The following CLNK variants were observed in gnomAD, a reference collection of about 807,000 sequenced individuals.
CLNK encodes the protein cytokine dependent hematopoietic cell linker, also known as cytokine-dependent hematopoietic cell linker.
Under a neutral mutation model 68.6 loss-of-function variants are expected in CLNK, and 74 were observed. That is an observed-to-expected ratio of 1.08 (90% CI 0.89 to 1.31). CLNK has a LOEUF of 1.31. Among genes scored for constraint, CLNK ranks in the 50% most tolerant of loss-of-function variants. CLNK has a pLI of 0.00. For synonymous variants in CLNK, 198 were observed against 172.2 expected (o/e 1.15, Z -1.17); for missense variants, 553 against 515.3 (o/e 1.07, Z -0.71).
At chr4:10,528,190 CTT>C (rs1718398943) in intron 12 of CLNK, 96 bp from the exon 13 acceptor site, 1 of 516,600 alleles carries the variant, frequency 1.9e-6, no homozygotes, top group Non-Finnish European at 3.0e-6. Context: ...GGTTGGCAGA[CTT>C]TTGGTAAAAC....
chr4:10,671,881 T>C (rs1724656715), intron 1 of CLNK, among the ~76,000 whole-genome samples: 1 of 152,188 alleles, frequency 6.6e-6, no homozygotes, highest in Non-Finnish European at 1.5e-5. Flanking sequence ...AAGAAACAGC[T>C]TCCCCCCAAC....
chr4:10,587,451 C>T (rs2108838590), intron 3 of CLNK, among the ~76,000 whole-genome samples: 1 of 152,366 alleles, frequency 6.6e-6, no homozygotes, highest in East Asian at 1.9e-4. Flanking sequence ...CTCTGCATTA[C>T]ACCTTTCCTC....
chr4:10,522,946 C>T (rs1718142154), intron 14 of CLNK, among the ~76,000 whole-genome samples: 1 of 152,054 alleles, frequency 6.6e-6, no homozygotes, highest in Non-Finnish European at 1.5e-5. Context: ...GTGCAAAGGC[C>T]CAGAGGCAAG....
the CLNK span, among the ~76,000 whole-genome samples, chr4:10,715,148 G>A: frequency 7.2e-5 from 11 of 152,130 alleles, no homozygotes; most frequent in South Asian, 6.2e-4. Context: ...TTTCAGGTCC[G>A]TGCTATTTAA....
At chr4:10,510,227 C>A (rs755643275) in intron 16 of CLNK, among the ~76,000 whole-genome samples, 1 of 152,044 alleles carries the variant, frequency 6.6e-6, no homozygotes. Flanking sequence ...GAATCACTTG[C>A]GGGGGGAGGG....
chr4:10,512,240 T>A (rs76353134), intron 16 of CLNK, among the ~76,000 whole-genome samples: 3,995 of 152,050 alleles, frequency 0.026, 198 homozygotes, highest in African/African-American at 0.092. Flanking sequence ...TGCATTTTTT[T>A]TTTTTTTTGT....
the CLNK span, among the ~76,000 whole-genome samples, chr4:10,720,932 G>T: frequency 6.6e-6 from 1 of 151,884 alleles, no homozygotes; most frequent in Non-Finnish European, 1.5e-5. Flanking sequence ...GTCCTTCAGT[G>T]GCTGAATGAT....
At chr4:10,639,383 A>G (rs538364417) in intron 2 of CLNK, among the ~76,000 whole-genome samples, 22 of 152,212 alleles carry the variant, frequency 1.4e-4, no homozygotes, top group Non-Finnish European at 2.9e-4. Flanking sequence ...GCAATGATCA[A>G]CTGGCTTTAG....
intron 10 of CLNK, among the ~76,000 whole-genome samples, chr4:10,541,512 G>A (rs546584647): frequency 6.6e-6 from 1 of 152,072 alleles, no homozygotes; most frequent in South Asian, 2.1e-4. Flanking sequence ...GTCACTCAGA[G>A]CCTCTGCAGC....
Position 10,674,705 on chromosome 4 carries a change from G to C in CLNK, c.-42-6794C>G, listed in dbSNP as rs6828288. 4.4e-3 allele frequency among the ~76,000 whole-genome samples: 667 copies of C among 152,218 alleles called. 6 individuals are homozygous for C. The highest frequency in any genetic ancestry group is 0.014 in the African/African-American group (597 of 41,518). ...AGACCCCTGCCTCAACCATCTATTT[G>C]GACCAAACAACCCCACAGCTTTGGG... On this transcript the variant is annotated intron_variant, in intron 1 of 18. Transcript: ENST00000226951.
upstream of CLNK, among the ~76,000 whole-genome samples, chr4:10,686,245 T>C (rs977212362): frequency 2.0e-5 from 3 of 152,122 alleles, no homozygotes; most frequent in African/African-American, 7.2e-5. Context: ...GGAGTCACAG[T>C]GAATGATGGC....
chr4:10,698,681 G>T, the CLNK span, among the ~76,000 whole-genome samples: 1 of 152,134 alleles, frequency 6.6e-6, no homozygotes, highest in Non-Finnish European at 1.5e-5. Flanking sequence ...TTCAACTTAA[G>T]TAGTGAAAGA....
At chr4:10,710,021 T>C in the CLNK span, among the ~76,000 whole-genome samples, 1 of 152,186 alleles carries the variant, frequency 6.6e-6, no homozygotes, top group South Asian at 2.1e-4. Flanking sequence ...AAGTCTTTGA[T>C]ATGGTGGTGT....
intron 10 of CLNK, among the ~76,000 whole-genome samples, chr4:10,540,852 AG>A: frequency 6.6e-6 from 1 of 152,200 alleles, no homozygotes; most frequent in Non-Finnish European, 1.5e-5. Flanking sequence ...AGGCCTGTGG[AG>A]AAAATGATAA....
chr4:10,634,266 G>C (rs2108870847), intron 2 of CLNK, among the ~76,000 whole-genome samples: 1 of 152,282 alleles, frequency 6.6e-6, no homozygotes. Flanking sequence ...TTTTTCCAAA[G>C]GAAGTTTTGG....
At chr4:10,609,578 C>A (rs1721930999) in intron 2 of CLNK, among the ~76,000 whole-genome samples, 1 of 152,186 alleles carries the variant, frequency 6.6e-6, no homozygotes. Context: ...AGAAGAGCAG[C>A]AGAGGAAATA....
intron 2 of CLNK, among the ~76,000 whole-genome samples, chr4:10,602,671 T>C (rs1721632896): frequency 1.3e-5 from 2 of 152,198 alleles, no homozygotes; most frequent in Admixed American, 1.3e-4. Context: ...CCAGTACGTT[T>C]ACGTTTGTGG....
At chr4:10,615,548 A>G (rs1722197978) in intron 2 of CLNK, among the ~76,000 whole-genome samples, 1 of 151,248 alleles carries the variant, frequency 6.6e-6, no homozygotes, top group Non-Finnish European at 1.5e-5. Flanking sequence ...CAAAACACCA[A>G]GAAAGAAAAA....
At chr4:10,704,199 C>A in the CLNK span, among the ~76,000 whole-genome samples, 2 of 151,896 alleles carry the variant, frequency 1.3e-5, no homozygotes, top group Admixed American at 6.6e-5. Context: ...AGAGAGAGAG[C>A]GAGAGAGACC....
Sources: allele counts gnomAD v4.1 joint callset (sites outside exome capture counted in the v4.1 genomes callset), GRCh38; gene constraint gnomAD v4.1.1; transcripts MANE v1.5; gene names NCBI Gene and HGNC (gene_info 2026-07-23, HGNC 2026-07-21).